The following ZNF208 variants were observed in gnomAD, a reference collection of about 807,000 sequenced individuals.
The protein encoded by ZNF208 is zinc finger protein 95.
A neutral mutation model predicts 12.1 loss-of-function variants in ZNF208; 10 were observed. That is an observed-to-expected ratio of 0.83 (90% CI 0.51 to 1.40). The LOEUF (loss-of-function observed/expected upper bound fraction) is 1.40, where lower values mean the gene tolerates loss of function less well. Ranked by LOEUF, ZNF208 falls within the 40% of genes most tolerant of loss-of-function variation. The pLI is 0.00. For synonymous variants in ZNF208, 497 were observed against 488.4 expected, an observed-to-expected ratio of 1.02 and a Z score of -0.23; for missense variants, 1,652 against 1,485.0, an observed-to-expected ratio of 1.11 and a Z score of -1.85.
intron 4 of ZNF208, among the ~76,000 whole-genome samples, chr19:21,958,637 T>C (rs1297577938): frequency 1.3e-5 from 2 of 152,144 alleles, no homozygotes; most frequent in East Asian, 1.9e-4. Context: ...TGTTTCTTTT[T>C]CCCTAAAAAC....
At chr19:21,948,368 T>C (rs1969843776) in intron 4 of ZNF208, among the ~76,000 whole-genome samples, 1 of 152,196 alleles carries the variant, frequency 6.6e-6, no homozygotes, top group Non-Finnish European at 1.5e-5. Context: ...TTTGTAAGCA[T>C]TGTAAAATTA....
chr19:21,997,304 A>G lies in ZNF208; in HGVS notation c.4-8395T>C, dbSNP rs2145576960. Among the ~76,000 whole-genome samples the G allele has an allele frequency of 2.0e-5, 3 of 152,340 alleles. No homozygotes were observed. The South Asian group carries it at 6.2e-4, about 32-fold the overall frequency. On this transcript the variant is annotated intron_variant, in intron 1 of 3. Coordinates refer to ENST00000397126, the MANE Select transcript of ZNF208 (RefSeq NM_007153.3). ...TGGTAGTTGGGAAGGCCATCCATGT[A>G]TGCTAATTGGTTATAATCAATGACA...
chr19:22,008,727 T>C (rs1971092912), intron 1 of ZNF208, among the ~76,000 whole-genome samples: 1 of 152,140 alleles, frequency 6.6e-6, no homozygotes, highest in Non-Finnish European at 1.5e-5. Context: ...GGAAGCTGCG[T>C]TGGGTAAAGA....
At chr19:21,945,943 C>T (rs1187235622) in intron 4 of ZNF208, among the ~76,000 whole-genome samples, 1 of 151,676 alleles carries the variant, frequency 6.6e-6, no homozygotes, top group Non-Finnish European at 1.5e-5. Context: ...AGGGAACTAG[C>T]ACAGGGGGTT....
At chr19:21,950,328 C>T (rs1020308479) in intron 4 of ZNF208, among the ~76,000 whole-genome samples, 6 of 152,020 alleles carry the variant, frequency 3.9e-5, no homozygotes, top group African/African-American at 1.4e-4. Context: ...CCTGGGACTC[C>T]TCAAGAAAAC....
chr19:22,004,119 C>T (rs1160402462), intron 1 of ZNF208, among the ~76,000 whole-genome samples: 4 of 152,070 alleles, frequency 2.6e-5, no homozygotes, highest in Admixed American at 1.3e-4. Context: ...GTTGAGGTTT[C>T]AGTGAGCCAA....
intron 2 of ZNF208, among the ~76,000 whole-genome samples, chr19:21,987,705 G>C (rs890070923): frequency 3.3e-5 from 5 of 152,204 alleles, no homozygotes; most frequent in African/African-American, 1.2e-4. Context: ...GTAAGTTAAA[G>C]AATGAATCAG....
rs535836304 is a variant in ZNF208, at chr19:22,010,826, G to C, written c.-32C>G. ...GCTTCCAGGGGGTCCTGGCGACTTA[G>C]TTGTGGATCTCCCAATACCTGCAGG... is the stretch of plus-strand genomic sequence containing the variant. On this transcript the variant is annotated 5_prime_UTR_variant, in exon 1 of 4. Transcript: ENST00000397126. 1 of 1,614,004 alleles carries C rather than the reference G, an allele frequency of 6.2e-7. No homozygotes were observed. Among genetic ancestry groups the C allele is most frequent in the African/African-American group, 1.3e-5 (1 of 75,056 alleles).
intron 4 of ZNF208, among the ~76,000 whole-genome samples, chr19:21,944,795 G>A (rs1210637783): frequency 1.3e-5 from 2 of 152,306 alleles, no homozygotes; most frequent in Non-Finnish European, 2.9e-5. Flanking sequence ...AGAGCTGGTA[G>A]TTTGGAATAA....
rs1970379979 is a variant in ZNF208, at chr19:21,974,230, T to C, written c.804A>G (p.Gln268=). Residue 268 remains glutamine, a synonymous_variant, in exon 4 of 4, where the codon CAA becomes CAG. Coordinates refer to ENST00000397126, the MANE Select transcript of ZNF208 (RefSeq NM_007153.3). The part of the protein sequence containing the change: ...KCEECGKAFN[Q]SAILTKHKII... ...TCTTATGTTTAGTAAGGATTGCAGA[T>C]TGGTTAAAAGCCTTGCCACATTCTT... 4 of 1,609,496 alleles carry C rather than the reference T, an allele frequency of 2.5e-6. No individual in the cohort carries two copies. The highest frequency in any genetic ancestry group is 2.2e-5 in the South Asian group (2 of 90,874).
rs1970398760 is a variant in ZNF208 at position 21,974,807 on chromosome 19, A to T, written c.227T>A (p.Val76Asp). 1 of 1,532,554 alleles carries T rather than the reference A, an allele frequency of 6.5e-7. No individual in the cohort carries two copies. Among genetic ancestry groups the T allele is most frequent in the Non-Finnish European group, 8.7e-7 (1 of 1,144,624 alleles). The allele number at this position is 1,532,554 out of a possible 1,614,324, so 94.9% of individuals were successfully genotyped here. A position where few individuals can be genotyped will look rare whatever the true frequency, so the allele number is the denominator to read the frequency against. ...KRHEMVEESP[V>D]ICSHFAQDLW... is the part of the protein sequence containing the mutation. ...ATCTTGAGCAAAATGAGAACATATA[A>T]CTGAAAAGAAATAAAAATCACAAAT... is the stretch of plus-strand genomic sequence containing the variant. The change falls in exon 4 of 4, where the codon GTT (valine) becomes GAT (aspartate). Residue 76 changes from valine (V) to aspartate (D), a missense_variant and splice_region_variant. Physicochemically the swap from Val to Asp is radical, Grantham distance 152. Transcript: ENST00000397126.
rs56768178 is a variant in ZNF208, at chr19:21,968,132, T to A, written c.*3059A>T. On this transcript the variant is annotated 3_prime_UTR_variant, in exon 4 of 4. Transcript: ENST00000397126. ...AAGTCTTTTTCCAGGCTTAGAACTCTTTTGGTGAAACCTTTAAAGTATTCT... is the reference window on the plus strand; with the variant it reads ...AAGTCTTTTTCCAGGCTTAGAACTCATTTGGTGAAACCTTTAAAGTATTCT... The A allele has an allele frequency of 6.6e-6, 1 of 152,114 alleles. No homozygotes were observed. Among genetic ancestry groups the A allele is most frequent in the African/African-American group, 2.4e-5 (1 of 41,404 alleles). The allele number at this position is 152,114 out of a possible 1,614,324, so 9.4% of individuals were successfully genotyped here.
chr19:22,008,435 C>T (rs548935370), intron 1 of ZNF208, among the ~76,000 whole-genome samples: 1 of 152,270 alleles, frequency 6.6e-6, no homozygotes, highest in South Asian at 2.1e-4. Context: ...TCTCCCACCC[C>T]ATCCTGTTCA....
intron 1 of ZNF208, among the ~76,000 whole-genome samples, chr19:22,008,160 G>A (rs540229092): frequency 1.7e-4 from 26 of 149,558 alleles, no homozygotes; most frequent in African/African-American, 5.2e-4. Context: ...AAAATTAGCC[G>A]GGTGTGGTGG....
rs754324278 is a variant in ZNF208, at chr19:21,972,366, T to C, written c.2668A>G (p.Lys890Glu). Residue 890 changes from lysine (K) to glutamate (E), a missense_variant, in exon 4 of 4, where the codon AAA becomes GAA. Physicochemically the swap from Lys to Glu is moderately conservative, Grantham distance 56. Coordinates refer to ENST00000397126, the MANE Select transcript of ZNF208 (RefSeq NM_007153.3). ...AAACCTTTGCCACATTCTTCACATT[T>C]GTAGGGTTTCTCTCCAGTATGAATT... ...KKIHTGEKPY[K>E]CEECGKGFSM... 1 of 1,612,690 alleles carries C rather than the reference T, an allele frequency of 6.2e-7. No homozygotes were observed. The highest frequency in any genetic ancestry group is 8.5e-7 in the Non-Finnish European group (1 of 1,179,298).
chr19:21,969,602 C>T lies in ZNF208; in HGVS notation c.*1589G>A, dbSNP rs1044873535. On this transcript the variant is annotated 3_prime_UTR_variant, in exon 4 of 4. Coordinates refer to ENST00000397126, the MANE Select transcript of ZNF208 (RefSeq NM_007153.3). ...CTGTAGTTTTTGAAAAAATGTTTTT[C>T]CAAATTTATTAAATTTGCAGGGTTA... 1.3e-5 allele frequency among the ~76,000 whole-genome samples: 2 copies of T among 151,934 alleles called. No individual in the cohort carries two copies. Among genetic ancestry groups the T allele is most frequent in the East Asian group, 1.9e-4 (1 of 5,186 alleles).
Position 21,974,312 on chromosome 19 carries a change from A to T in ZNF208, c.722T>A (p.Phe241Tyr), listed in dbSNP as rs184970596. Residue 241 changes from phenylalanine (F) to tyrosine (Y), a missense_variant, in exon 4 of 4, where the codon TTC (phenylalanine) becomes TAC (tyrosine). Phe to Tyr is a conservative substitution (Grantham distance 22). Transcript: ENST00000397126. Reference sequence around the variant, plus strand: ...TACCTTATGTTTAGTAAGGATTGAGAACTTACTAAAGGCTTTGCCACATTC... The same window carrying T: ...TACCTTATGTTTAGTAAGGATTGAGTACTTACTAAAGGCTTTGCCACATTC... ...CKECGKAFSK[F>Y]SILTKHKVIH... The T allele has an allele frequency of 2.8e-4, 454 of 1,613,520 alleles. No homozygotes were observed. Among genetic ancestry groups the T allele is most frequent in the Middle Eastern group, 2.8e-3 (17 of 6,052 alleles).
intron 4 of ZNF208, among the ~76,000 whole-genome samples, chr19:21,945,969 C>T (rs1446932992): frequency 6.6e-6 from 1 of 151,820 alleles, no homozygotes; most frequent in Non-Finnish European, 1.5e-5. Flanking sequence ...TGGACTCATG[C>T]CCTCGGATGC....
chr19:21,980,693 A>G (rs1303893290), intron 3 of ZNF208, among the ~76,000 whole-genome samples: 2 of 152,198 alleles, frequency 1.3e-5, no homozygotes, highest in Non-Finnish European at 2.9e-5. Flanking sequence ...AAACCCTAGC[A>G]GAAGACAAGA....
Sources: allele counts gnomAD v4.1 joint callset (sites outside exome capture counted in the v4.1 genomes callset), GRCh38; gene constraint gnomAD v4.1.1; transcripts MANE v1.5; gene names NCBI Gene and HGNC (gene_info 2026-07-23, HGNC 2026-07-21).